The following UBE2D2 variants were observed in gnomAD, a reference collection of about 807,000 sequenced individuals.
UBE2D2 encodes the protein ubiquitin-conjugating enzyme E2 D2.
UBE2D2 carries 2 observed loss-of-function variants against 24.2 expected under a neutral mutation model. The observed-to-expected ratio is 0.08, with a 90% CI of 0.03 to 0.26. The LOEUF is 0.26. Ranked by LOEUF, UBE2D2 falls within the 10% of genes least tolerant of loss-of-function variation. The pLI is 1.00. For synonymous variants in UBE2D2, 58 were observed against 56.5 expected (o/e 1.03, Z -0.12); for missense variants, 44 against 177.6 (o/e 0.25, Z 4.28).
intron 1 of UBE2D2, among the ~76,000 whole-genome samples, chr5:139,548,725 C>G (rs989156521): frequency 6.6e-6 from 1 of 152,190 alleles, no homozygotes; most frequent in East Asian, 1.9e-4. Context: ...CTAACATTAT[C>G]TCCATTTTAC....
chr5:139,543,564 G>C (rs1478976088), intron 1 of UBE2D2, among the ~76,000 whole-genome samples: 1 of 152,256 alleles, frequency 6.6e-6, no homozygotes, highest in Non-Finnish European at 1.5e-5. Flanking sequence ...GACGACACGG[G>C]GGACCGGACG....
upstream of UBE2D2, among the ~76,000 whole-genome samples, chr5:139,557,766 A>C (rs1231291585): frequency 6.6e-6 from 1 of 152,006 alleles, no homozygotes; most frequent in African/African-American, 2.4e-5. Flanking sequence ...ATAAACAAAC[A>C]AACCAATATC....
chr5:139,597,627 G>A (rs1753986808), intron 1 of UBE2D2, among the ~76,000 whole-genome samples: 1 of 152,188 alleles, frequency 6.6e-6, no homozygotes, highest in Non-Finnish European at 1.5e-5. Flanking sequence ...AACATGGCAG[G>A]ACTTCAGAAT....
At chr5:139,561,906 C>T (rs561181982) in intron 1 of UBE2D2, 91 bp downstream of exon 1, 1 of 1,421,746 alleles carries the variant, frequency 7.0e-7, no homozygotes, top group Admixed American at 2.8e-5. Context: ...CTCGCGGCCT[C>T]CTTGGATCTT....
intron 1 of UBE2D2, among the ~76,000 whole-genome samples, chr5:139,583,507 A>G (rs1427210264): frequency 6.6e-6 from 1 of 152,140 alleles, no homozygotes; most frequent in Non-Finnish European, 1.5e-5. Context: ...TACGCCTGTA[A>G]TCCCAGAACT....
upstream of UBE2D2, among the ~76,000 whole-genome samples, chr5:139,556,359 G>C (rs1488034826): frequency 6.6e-6 from 1 of 152,046 alleles, no homozygotes; most frequent in Non-Finnish European, 1.5e-5. Flanking sequence ...AGTGAGCTGA[G>C]ATCTCTGCCA....
chr5:139,609,726 CT>C (rs112153062), intron 2 of UBE2D2, among the ~76,000 whole-genome samples: 2 of 148,692 alleles, frequency 1.3e-5, no homozygotes, highest in East Asian at 3.9e-4. Flanking sequence ...TGCTTTCTTT[CT>C]TTTTTTCTTT....
chr5:139,526,460 A>G (rs765936516), exon 1 of UBE2D2: 7 of 152,266 alleles, frequency 4.6e-5, no homozygotes, highest in Admixed American at 1.3e-4. Flanking sequence ...GGCCAGCCTG[A>G]GTGACGCGAT....
chr5:139,561,743 TCCCC>T lies in UBE2D2; in HGVS notation c.-48_-45del. On this transcript the variant is annotated 5_prime_UTR_variant, in exon 1 of 7. Transcript: ENST00000398733. ...GCTCCCTAGCCCCTTCCCCGTCCCT[TCCCC>T]GCCCCCGTCCCCGCCCCGGGGGCCG... 7 of 1,349,530 alleles carry T rather than the reference TCCCC, an allele frequency of 5.2e-6. No individual in the cohort carries two copies. The highest frequency in any genetic ancestry group is 6.9e-6 in the Non-Finnish European group (7 of 1,013,100). The allele number at this position is 1,349,530 out of a possible 1,614,324, so 83.6% of individuals were successfully genotyped here. A position where few individuals can be genotyped will look rare whatever the true frequency, so the allele number is the denominator to read the frequency against.
chr5:139,571,339 G>A (rs577495939), intron 1 of UBE2D2, among the ~76,000 whole-genome samples: 12 of 151,572 alleles, frequency 7.9e-5, no homozygotes, highest in African/African-American at 2.7e-4. Context: ...CCCAAGAGGC[G>A]GAGGTTGCAG....
chr5:139,615,072 C>T, intron 5 of UBE2D2, 106 bp downstream of exon 5: 4 of 1,114,810 alleles, frequency 3.6e-6, no homozygotes, highest in Non-Finnish European at 5.1e-6. Context: ...GAAGAGATAG[C>T]AATTCTTCTT....
intron 1 of UBE2D2, among the ~76,000 whole-genome samples, chr5:139,570,538 G>A (rs1753333438): frequency 6.7e-6 from 1 of 148,654 alleles, no homozygotes; most frequent in Non-Finnish European, 1.5e-5. Flanking sequence ...TTGAGATGGA[G>A]TCTAGCTCTG....
intron 1 of UBE2D2, among the ~76,000 whole-genome samples, chr5:139,581,061 G>A (rs540788286): frequency 7.2e-5 from 11 of 152,296 alleles, no homozygotes; most frequent in African/African-American, 2.6e-4. Context: ...TTTAAGTGAA[G>A]CCTGAAGGTG....
At chr5:139,562,537 G>A in intron 1 of UBE2D2, 1 of 982,856 alleles carries the variant, frequency 1.0e-6, no homozygotes, top group African/African-American at 1.7e-5. Flanking sequence ...CATTGGCAAA[G>A]GTAGAGGTAG....
chr5:139,615,635 T>G (rs1258204598), intron 5 of UBE2D2, among the ~76,000 whole-genome samples: 1 of 152,112 alleles, frequency 6.6e-6, no homozygotes, highest in African/African-American at 2.4e-5. Context: ...TTTAGACAAA[T>G]GCCTATGCTG....
At chr5:139,609,734 CTTTTTT>C (rs1252273682) in intron 2 of UBE2D2, among the ~76,000 whole-genome samples, 1 of 144,638 alleles carries the variant, frequency 6.9e-6, no homozygotes, top group African/African-American at 2.6e-5. Flanking sequence ...TTCTTTTTTT[CTTTTTT>C]AAGTTGTTTT....
chr5:139,623,155 T>C (rs899459589), intron 5 of UBE2D2, among the ~76,000 whole-genome samples: 1 of 151,808 alleles, frequency 6.6e-6, no homozygotes, highest in African/African-American at 2.4e-5. Flanking sequence ...CTGGCCAACA[T>C]GGTGAAACCC....
At chr5:139,545,264 C>A (rs1039881966) in intron 1 of UBE2D2, among the ~76,000 whole-genome samples, 1 of 151,928 alleles carries the variant, frequency 6.6e-6, no homozygotes, top group African/African-American at 2.4e-5. Context: ...TGATAGGGAT[C>A]TCTATGTTGC....
intron 2 of UBE2D2, among the ~76,000 whole-genome samples, chr5:139,602,091 G>T (rs549347070): frequency 2.0e-5 from 3 of 152,084 alleles, no homozygotes; most frequent in South Asian, 4.2e-4. Flanking sequence ...TCACTCTGTT[G>T]CCCGTGCTGG....
Sources: gnomAD v4.1 joint callset for allele counts (sites outside exome capture counted in the v4.1 genomes callset) on GRCh38, gnomAD v4.1.1 for gene constraint, MANE v1.5 for transcripts, NCBI Gene and HGNC (gene_info 2026-07-23, HGNC 2026-07-21) for gene names.